SETD2: variants seen among roughly 807,000 people sequenced by gnomAD.
SETD2 encodes SET domain containing 2, histone lysine methyltransferase.
A neutral mutation model predicts 242.1 loss-of-function variants in SETD2; 31 were observed. That is an observed-to-expected ratio of 0.13 (90% CI 0.10 to 0.17). SETD2 has a LOEUF of 0.17. SETD2 is among the 10% of genes least tolerant of loss of function. The pLI is 1.00. For missense variants in SETD2, 2,481 were observed against 3,046.3 expected, an observed-to-expected ratio of 0.81 and a Z score of 4.37; for synonymous variants, 1,006 against 1,066.5, an observed-to-expected ratio of 0.94 and a Z score of 1.11.
At chr3:47,141,875 T>C (rs1333610496) in intron 1 of SETD2, among the ~76,000 whole-genome samples, 1 of 152,156 alleles carries the variant, frequency 6.6e-6, no homozygotes, top group African/African-American at 2.4e-5. Flanking sequence ...CATTTTTTTT[T>C]CATTGTAATT....
intron 12 of SETD2, among the ~76,000 whole-genome samples, chr3:47,071,728 AT>A (rs1261898908): frequency 1.3e-5 from 2 of 152,162 alleles, no homozygotes; most frequent in Non-Finnish European, 2.9e-5. Context: ...TTAACTCGAA[AT>A]AGTATGTTCC....
At chr3:47,022,641 G>A (rs1380866269) in intron 18 of SETD2, among the ~76,000 whole-genome samples, 1 of 152,232 alleles carries the variant, frequency 6.6e-6, no homozygotes, top group Non-Finnish European at 1.5e-5. Context: ...CTTATATAGA[G>A]TATCAGTCAA....
At chr3:47,068,536 A>T (rs2040669088) in intron 12 of SETD2, among the ~76,000 whole-genome samples, 1 of 132,604 alleles carries the variant, frequency 7.5e-6, no homozygotes, top group South Asian at 2.3e-4. Flanking sequence ...TTGCTCTGTC[A>T]TCCAGGCTGG....
chr3:47,026,454 G>A (rs1207633283), intron 18 of SETD2, among the ~76,000 whole-genome samples: 1 of 152,180 alleles, frequency 6.6e-6, no homozygotes, highest in African/African-American at 2.4e-5. Flanking sequence ...CCATTACTGG[G>A]TATATACCAC....
chr3:47,108,041 G>A (rs958249932), intron 5 of SETD2, among the ~76,000 whole-genome samples: 2 of 152,026 alleles, frequency 1.3e-5, no homozygotes, highest in African/African-American at 4.8e-5. Context: ...CACTTTGGGA[G>A]GCCGAGGTGG....
At chr3:47,022,193 TCA>T (rs55972218) in intron 18 of SETD2, among the ~76,000 whole-genome samples, 7,677 of 130,878 alleles carry the variant, frequency 0.059, 502 homozygotes, top group African/African-American at 0.18. Context: ...CAACAATCTG[TCA>T]CACACACACA....
Position 47,122,401 on chromosome 3 carries a change from T to G in SETD2, c.2235A>C (p.Pro745=). 1.2e-6 allele frequency: 2 copies of G among 1,614,174 alleles called. No individual in the cohort carries two copies. Among genetic ancestry groups the G allele is most frequent in the Non-Finnish European group, 1.7e-6 (2 of 1,180,002 alleles). ...TCMLHKKSES[P]FRETEPLVSP... is the part of the protein sequence containing the mutation. ...ACACCAGAGGTTCTGTTTCTCTAAA[T>G]GGGCTTTCTGACTTCTTATGCAGCA... Residue 745 remains proline (P), a synonymous_variant, in exon 3 of 21, where the codon CCA becomes CCC. Transcript: ENST00000409792.
intron 12 of SETD2, among the ~76,000 whole-genome samples, chr3:47,075,586 AAAG>A (rs1559693439): frequency 6.8e-6 from 1 of 146,662 alleles, no homozygotes; most frequent in African/African-American, 2.6e-5. Flanking sequence ...AAAAAAAAAA[AAAG>A]AAGAATCTAA....
intron 18 of SETD2, among the ~76,000 whole-genome samples, chr3:47,023,293 G>A (rs758342295): frequency 1.5e-4 from 23 of 152,256 alleles, no homozygotes; most frequent in Non-Finnish European, 2.9e-4. Flanking sequence ...CCAGCTACTC[G>A]GGAGGCTGAG....
At chr3:47,027,179 A>G (rs1048376379) in intron 18 of SETD2, among the ~76,000 whole-genome samples, 7 of 151,824 alleles carry the variant, frequency 4.6e-5, no homozygotes, top group Admixed American at 1.3e-4. Context: ...ACTAAAAAAT[A>G]TTTAAAAAAT....
intron 8 of SETD2, 59 bp downstream of exon 8, chr3:47,101,399 A>T (rs2107682327): frequency 1.2e-6 from 1 of 849,410 alleles, no homozygotes; most frequent in Non-Finnish European, 1.9e-6. Context: ...TTATATCCTT[A>T]TATCTGAACA....
In SETD2 at chr3:47,121,962, C is replaced by G. The variant is rs757635668; in HGVS notation, c.2674G>C (p.Val892Leu). 23 of 1,613,982 alleles carry G rather than the reference C, an allele frequency of 1.4e-5. No homozygotes were observed. The highest frequency in any genetic ancestry group is 1.9e-5 in the Non-Finnish European group (22 of 1,179,990). The change falls in exon 3 of 21, where the codon GTG (valine) becomes CTG (leucine). Residue 892 changes from valine (V) to leucine (L), a missense_variant. Coordinates refer to ENST00000409792, the MANE Select transcript of SETD2 (RefSeq NM_014159.7). ...SLQSLPPGIK[V>L]DSLTLLKCGE... is the part of the protein sequence containing the mutation. ...CATTTCAAGAGAGTTAGACTGTCCA[C>G]CTTTATTCCTGGTGGAAGACTCTGA...
Position 47,088,167 on chromosome 3 carries a change from T to C in SETD2, c.5223A>G (p.Leu1741=). 1.2e-6 allele frequency: 2 copies of C among 1,613,888 alleles called. No individual in the cohort carries two copies. The highest frequency in any genetic ancestry group is 1.1e-5 in the South Asian group (1 of 91,070). The change falls in exon 10 of 21, where the codon CTA becomes CTG. Residue 1741 remains leucine (L), a synonymous_variant. Coordinates refer to ENST00000409792, the MANE Select transcript of SETD2 (RefSeq NM_014159.7). Reference sequence around the variant, plus strand: ...GCTCCAAAGTTTCAATTCTAACCATTAGCCGGGATAAGCTGAGCACCTGGT... The same window carrying C: ...GCTCCAAAGTTTCAATTCTAACCATCAGCCGGGATAAGCTGAGCACCTGGT... ...DKNQVLSLSR[L]MVRIETLEQK...
At chr3:47,110,765 G>A (rs1162953466) in intron 5 of SETD2, among the ~76,000 whole-genome samples, 1 of 152,136 alleles carries the variant, frequency 6.6e-6, no homozygotes, top group Non-Finnish European at 1.5e-5. Context: ...GGGAAACATG[G>A]AAACATTAAG....
At chr3:47,072,946 C>CA (rs113329240) in intron 12 of SETD2, among the ~76,000 whole-genome samples, 2,824 of 77,912 alleles carry the variant, frequency 0.036, 39 homozygotes, top group Middle Eastern at 0.073. Flanking sequence ...GACTCCATCT[C>CA]AAAAAAAAAA....
chr3:47,123,156 C>A lies in SETD2; in HGVS notation c.1480G>T (p.Asp494Tyr), dbSNP rs1559748132. The A allele has an allele frequency of 6.2e-7, 1 of 1,611,914 alleles. No homozygotes were observed. Among genetic ancestry groups the A allele is most frequent in the Admixed American group, 1.7e-5 (1 of 59,664 alleles). ...AAGTAAGAGGTCTCAGTTTTACAGT[C>A]CCGATCAGATTTAGAATAGGATGAT... ...RTSSYSKSDR[D>Y]CKTETSYLEM... The change falls in exon 3 of 21, where the codon GAC becomes TAC. Residue 494 changes from aspartate to tyrosine, a missense_variant. Asp to Tyr is a radical substitution (Grantham distance 160). Transcript: ENST00000409792.
At chr3:47,117,285 C>CAAA (rs1191196844) in intron 3 of SETD2, among the ~76,000 whole-genome samples, 19 of 24,790 alleles carry the variant, frequency 7.7e-4, no homozygotes, top group African/African-American at 2.9e-3. Flanking sequence ...AAAAAACAAA[C>CAAA]AAAAAAAAAA....
intron 12 of SETD2, among the ~76,000 whole-genome samples, chr3:47,081,457 T>A (rs1329147818): frequency 1.3e-5 from 2 of 152,240 alleles, no homozygotes; most frequent in East Asian, 3.8e-4. Flanking sequence ...TAATAAAGGT[T>A]GGTTGAATAA....
At chr3:47,072,856 A>C (rs1398729507) in intron 12 of SETD2, among the ~76,000 whole-genome samples, 2 of 151,286 alleles carry the variant, frequency 1.3e-5, no homozygotes, top group East Asian at 3.9e-4. Context: ...CTGAGGCAGG[A>C]GAATGGTGTG....
Sources: gnomAD v4.1 joint callset for allele counts (sites outside exome capture counted in the v4.1 genomes callset) on GRCh38, gnomAD v4.1.1 for gene constraint, MANE v1.5 for transcripts, NCBI Gene and HGNC (gene_info 2026-07-23, HGNC 2026-07-21) for gene names.